The following DPYD variants were observed in gnomAD, a reference collection of about 807,000 sequenced individuals.
DPYD encodes dihydropyrimidine dehydrogenase [NADP(+)].
DPYD carries 109 observed loss-of-function variants against 116.2 expected under a neutral mutation model. The ratio of observed to expected loss-of-function variants is 0.94; its 90% confidence interval spans 0.80 to 1.10. DPYD has a LOEUF of 1.10. Among genes scored for constraint, DPYD ranks in the 50% least tolerant of loss-of-function variants. The pLI is 0.00. For synonymous variants in DPYD, 440 were observed against 432.0 expected (o/e 1.02, Z -0.23); for missense variants, 1,302 against 1,254.5 (o/e 1.04, Z -0.57).
rs187736187 is a variant in DPYD at position 97,570,112 on chromosome 1, T to C, written c.1339+3648A>G. ...ATTAGGTGTATAACACTAAAAAAGT[T>C]ATTTTACATTCTCCATTGTGAAACA... On this transcript the variant is annotated intron_variant, in intron 11 of 22. Coordinates refer to ENST00000370192, the MANE Select transcript of DPYD (RefSeq NM_000110.4). Among the ~76,000 whole-genome samples the C allele has an allele frequency of 3.9e-5, 6 of 152,158 alleles. No individual in the cohort carries two copies. In the East Asian group the frequency reaches 1.2e-3, roughly 29 times the overall value.
At chr1:97,436,696 T>C (rs1382994377) in intron 14 of DPYD, among the ~76,000 whole-genome samples, 1 of 152,078 alleles carries the variant, frequency 6.6e-6, no homozygotes, top group Non-Finnish European at 1.5e-5. Flanking sequence ...ATTTTAATCT[T>C]CAGCAAAGCC....
chr1:97,259,562 G>A lies in DPYD; in HGVS notation c.2300-24568C>T, dbSNP rs201691275. On this transcript the variant is annotated intron_variant, in intron 18 of 22. Transcript: ENST00000370192. The stretch of plus-strand genomic sequence containing the variant: ...GCCAAGGATCAAAGTATTCAATCAA[G>A]GTTGGGCAGTGACTTAGGATTAGCA... 9.9e-5 allele frequency among the ~76,000 whole-genome samples: 15 copies of A among 152,052 alleles called. No homozygotes were observed. The East Asian group carries it at 2.9e-3, about 30-fold the overall frequency.
chr1:97,796,570 C>A (rs1160584620), intron 3 of DPYD, among the ~76,000 whole-genome samples: 1 of 151,950 alleles, frequency 6.6e-6, no homozygotes, highest in Admixed American at 6.6e-5. Context: ...AAAAAATACT[C>A]TACATTAATT....
intron 3 of DPYD, among the ~76,000 whole-genome samples, chr1:97,795,942 C>A (rs551849864): frequency 6.6e-6 from 1 of 151,972 alleles, no homozygotes; most frequent in South Asian, 2.1e-4. Flanking sequence ...TATAAATTTT[C>A]TGATAATGAG....
At chr1:97,726,409 T>C (rs1175239072) in intron 4 of DPYD, among the ~76,000 whole-genome samples, 2 of 151,634 alleles carry the variant, frequency 1.3e-5, no homozygotes, top group Non-Finnish European at 3.0e-5. Flanking sequence ...TCAGAATTAA[T>C]CAGTCTATTC....
rs565877685 is a variant in DPYD, at chr1:97,746,083, G to A, written c.234-5604C>T. 4.6e-5 allele frequency among the ~76,000 whole-genome samples: 7 copies of A among 152,146 alleles called. No individual in the cohort carries two copies. The South Asian group carries it at 1.4e-3, about 31-fold the overall frequency. Reference sequence around the variant, plus strand: ...CAGATGAAAAGGTTGGAGTTTTACAGTATCACATAGTTTTGAAGGCTTACC... The same window carrying A: ...CAGATGAAAAGGTTGGAGTTTTACAATATCACATAGTTTTGAAGGCTTACC... On this transcript the variant is annotated intron_variant, in intron 3 of 22. Transcript: ENST00000370192.
chr1:97,670,571 T>G (rs920473570), intron 8 of DPYD, among the ~76,000 whole-genome samples: 1 of 152,216 alleles, frequency 6.6e-6, no homozygotes, highest in Admixed American at 6.5e-5. Flanking sequence ...CTCAGACTTC[T>G]AGCCTCCAGA....
intron 11 of DPYD, among the ~76,000 whole-genome samples, chr1:97,570,337 T>C (rs1253184655): frequency 6.6e-6 from 1 of 152,024 alleles, no homozygotes; most frequent in African/African-American, 2.4e-5. Context: ...ACTTTATATG[T>C]ACTCTGTCAA....
At chr1:97,414,899 T>A (rs1334774262) in intron 14 of DPYD, among the ~76,000 whole-genome samples, 1 of 152,234 alleles carries the variant, frequency 6.6e-6, no homozygotes, top group Non-Finnish European at 1.5e-5. Flanking sequence ...CAGCAAATCT[T>A]TTTTTTAGGC....
intron 10 of DPYD, among the ~76,000 whole-genome samples, chr1:97,591,894 A>G (rs180836569): frequency 2.8e-5 from 4 of 142,426 alleles, no homozygotes; most frequent in South Asian, 2.3e-4. Flanking sequence ...GTATCCCAGG[A>G]AAAAAAAAAA....
intron 14 of DPYD, among the ~76,000 whole-genome samples, chr1:97,384,317 C>A (rs2101574263): frequency 6.7e-6 from 1 of 149,448 alleles, no homozygotes; most frequent in East Asian, 2.0e-4. Flanking sequence ...AAGTTGTGAC[C>A]ATATTGGAGA....
chr1:97,736,600 A>G (rs1196856765), intron 4 of DPYD, among the ~76,000 whole-genome samples: 1 of 152,156 alleles, frequency 6.6e-6, no homozygotes, highest in Admixed American at 6.5e-5. Context: ...TGTAACGTGG[A>G]AAGAGGTAAT....
In DPYD at chr1:97,295,821, A is replaced by G. The variant is rs549487638; in HGVS notation, c.2299+9438T>C. Reference sequence around the variant, plus strand: ...AACCAAGGTATTGCTTAGTTGTCATAAAGTTGTGTGAAGATTAAGTGAAAT... The same window carrying G: ...AACCAAGGTATTGCTTAGTTGTCATGAAGTTGTGTGAAGATTAAGTGAAAT... On this transcript the variant is annotated intron_variant, in intron 18 of 22. Coordinates refer to ENST00000370192, the MANE Select transcript of DPYD (RefSeq NM_000110.4). The G allele has an allele frequency of 1.2e-5, 11 of 923,488 alleles. No individual in the cohort carries two copies. In the African/African-American group the frequency reaches 1.6e-4, roughly 13 times the overall value. 57.2% of individuals were successfully genotyped at this position (923,488 alleles called of 1,614,324 possible).
intron 13 of DPYD, among the ~76,000 whole-genome samples, chr1:97,457,412 T>A (rs1676746267): frequency 6.6e-6 from 1 of 152,114 alleles, no homozygotes; most frequent in African/African-American, 2.4e-5. Context: ...GCTCACATAA[T>A]CATGTAGCCT....
intron 20 of DPYD, among the ~76,000 whole-genome samples, chr1:97,130,271 T>C (rs745726646): frequency 7.2e-5 from 11 of 152,188 alleles, no homozygotes; most frequent in Non-Finnish European, 1.6e-4. Flanking sequence ...AAAGAAAGTA[T>C]AAAATGCTAC....
intron 3 of DPYD, among the ~76,000 whole-genome samples, chr1:97,813,699 G>C (rs1668436301): frequency 6.6e-6 from 1 of 152,112 alleles, no homozygotes; most frequent in African/African-American, 2.4e-5. Context: ...AAGTGGGACA[G>C]AGCTATAAGC....
intron 13 of DPYD, among the ~76,000 whole-genome samples, chr1:97,510,669 C>T (rs1319410655): frequency 6.6e-6 from 1 of 151,948 alleles, no homozygotes; most frequent in Non-Finnish European, 1.5e-5. Context: ...TACTTCTATG[C>T]ATGTCCCTTT....
intron 19 of DPYD, among the ~76,000 whole-genome samples, chr1:97,215,442 G>T (rs75156255): frequency 0.027 from 4,050 of 152,176 alleles, 187 homozygotes; most frequent in African/African-American, 0.093. Flanking sequence ...TATTATTTAT[G>T]ATTACAATAG....
chr1:97,555,354 G>A (rs1267721549), intron 11 of DPYD, among the ~76,000 whole-genome samples: 8 of 151,946 alleles, frequency 5.3e-5, no homozygotes, highest in African/African-American at 9.7e-5. Context: ...AGATGGCCTC[G>A]AACTCTCCCT....
Sources: allele counts gnomAD v4.1 joint callset (sites outside exome capture counted in the v4.1 genomes callset), GRCh38; gene constraint gnomAD v4.1.1; transcripts MANE v1.5; gene names NCBI Gene and HGNC (gene_info 2026-07-23, HGNC 2026-07-21).